SRPRA: variants seen among roughly 807,000 people sequenced by gnomAD.
SRPRA encodes the protein SRP receptor subunit alpha.
SRPRA carries 30 observed loss-of-function variants against 61.1 expected under a neutral mutation model. That is an observed-to-expected ratio of 0.49 (90% confidence interval 0.37 to 0.67). The LOEUF (loss-of-function observed/expected upper bound fraction) is 0.67, where lower values mean the gene tolerates loss of function less well. Ranked by LOEUF, SRPRA falls within the 30% of genes least tolerant of loss-of-function variation. The pLI, the probability that SRPRA is intolerant of heterozygous loss-of-function variation, is 0.00. For synonymous variants in SRPRA, 324 were observed against 299.7 expected, an observed-to-expected ratio of 1.08 and a Z score of -0.84; for missense variants, 759 against 828.4, an observed-to-expected ratio of 0.92 and a Z score of 1.03.
chr11:126,250,352 A>G, the SRPRA span, among the ~76,000 whole-genome samples: 1 of 152,078 alleles, frequency 6.6e-6, no homozygotes, highest in Non-Finnish European at 1.5e-5. This position sits in a 1 kb window ranked among gnomAD's most constrained non-coding sequence, Gnocchi z 5.1. Flanking sequence ...CGGTCTCCCA[A>G]AGTGCTGGGA....
chr11:126,243,287 CAAACA>C, the SRPRA span, among the ~76,000 whole-genome samples: 1 of 152,084 alleles, frequency 6.6e-6, no homozygotes, highest in Non-Finnish European at 1.5e-5. Context: ...ATAACAAAAC[CAAACA>C]AAAGACATCA....
chr11:126,262,976 T>C lies in SRPRA; in HGVS notation c.*940A>G, dbSNP rs770017747. 2.6e-5 allele frequency: 4 copies of C among 152,794 alleles called. No individual in the cohort carries two copies. The East Asian group carries it at 7.7e-4, about 29-fold the overall frequency. The allele number at this position is 152,794 out of a possible 1,614,324, so 9.5% of individuals were successfully genotyped here. On this transcript the variant is annotated 3_prime_UTR_variant, in exon 14 of 14. Transcript: ENST00000332118. ...TTTATTTTCTTATATAAATTACTTA[T>C]TTCTCTGGGCAGACAGCCTTCACCT...
chr11:126,257,828 T>C, the SRPRA span, among the ~76,000 whole-genome samples: 1 of 152,304 alleles, frequency 6.6e-6, no homozygotes, highest in South Asian at 2.1e-4. Context: ...TATCATACAC[T>C]TGATATTTTA....
In SRPRA at chr11:126,268,850, C is replaced by T; in HGVS notation, c.-46G>A. 6.7e-7 allele frequency: 1 copy of T among 1,490,612 alleles called. No individual in the cohort carries two copies. Among genetic ancestry groups the T allele is most frequent in the Non-Finnish European group, 9.3e-7 (1 of 1,071,286 alleles). The allele number at this position is 1,490,612 out of a possible 1,614,324, so 92.3% of individuals were successfully genotyped here. A position where few individuals can be genotyped will look rare whatever the true frequency, so the allele number is the denominator to read the frequency against. The stretch of plus-strand genomic sequence containing the variant: ...TGGGGCCGGCGCCGGGAATTCAGGC[C>T]GCGTTCGCCGCCGCTTCCTGCTGCG... On this transcript the variant is annotated 5_prime_UTR_variant, in exon 1 of 14. Transcript: ENST00000332118.
the SRPRA span, among the ~76,000 whole-genome samples, chr11:126,247,196 G>A: frequency 2.6e-5 from 4 of 152,120 alleles, no homozygotes; most frequent in Non-Finnish European, 2.9e-5. Context: ...GGAGACTGAG[G>A]CAGGAAGATT....
the SRPRA span, among the ~76,000 whole-genome samples, chr11:126,240,478 T>C: frequency 6.6e-6 from 1 of 152,150 alleles, no homozygotes; most frequent in Non-Finnish European, 1.5e-5. Context: ...AGAAGTCAGC[T>C]GAGCTATAGT....
chr11:126,254,508 A>AG, the SRPRA span: 4 of 1,567,490 alleles, frequency 2.6e-6, no homozygotes, highest in South Asian at 2.3e-5. Context: ...TAGATCTTAA[A>AG]GGGGAACATC....
At chr11:126,262,131 T>C (rs1202404100), downstream of SRPRA, 5 of 1,614,092 alleles carry the variant, frequency 3.1e-6, no homozygotes, top group South Asian at 4.4e-5. Flanking sequence ...CTGTAGTACA[T>C]GAGCGAGCTA....
At position 126,264,091 on chromosome 11, in the gene SRPRA, C is replaced by T. The variant is rs939278635; in HGVS notation, c.1789-47G>A. On this transcript the variant is annotated intron_variant, in intron 13 of 13. Transcript: ENST00000332118. This position sits in a 1 kb window ranked among gnomAD's most constrained non-coding sequence, Gnocchi z 5.0. ...CCCATCAACACAAGCCCACTTTTCACTCACCCTCTCAGGAACAGGAAGCGC... is the reference window on the plus strand; with the variant it reads ...CCCATCAACACAAGCCCACTTTTCATTCACCCTCTCAGGAACAGGAAGCGC... 6.2e-7 allele frequency: 1 copy of T among 1,613,574 alleles called. No individual in the cohort carries two copies. Among genetic ancestry groups the T allele is most frequent in the African/African-American group, 1.3e-5 (1 of 75,046 alleles).
At chr11:126,247,892 T>G in the SRPRA span, among the ~76,000 whole-genome samples, 62 of 145,610 alleles carry the variant, frequency 4.3e-4, no homozygotes, top group African/African-American at 1.5e-3. Flanking sequence ...TATATATATA[T>G]ATAGATATAC....
At chr11:126,241,123 A>G in the SRPRA span, 2 of 1,412,324 alleles carry the variant, frequency 1.4e-6, no homozygotes, top group Non-Finnish European at 1.9e-6. Flanking sequence ...TTGGCTGTCA[A>G]AACTAGCATG....
At chr11:126,256,607 T>C in the SRPRA span, 1 of 1,614,034 alleles carries the variant, frequency 6.2e-7, no homozygotes. The surrounding 1 kb of genome is among the most constrained non-coding windows in gnomAD (Gnocchi z 6.6). Context: ...TCATTTCTTT[T>C]CCTGGGCTGT....
At chr11:126,261,527 A>G, downstream of SRPRA, 2 of 1,527,004 alleles carry the variant, frequency 1.3e-6, no homozygotes, top group Non-Finnish European at 9.1e-7. Context: ...CTGTAGCAGA[A>G]AGTCTTTCTA....
At chr11:126,236,701 T>C in the SRPRA span, among the ~76,000 whole-genome samples, 1 of 152,084 alleles carries the variant, frequency 6.6e-6, no homozygotes, top group Non-Finnish European at 1.5e-5. Context: ...TTTAAAACTC[T>C]TGTTATTCAG....
At chr11:126,254,267 C>A in the SRPRA span, 1 of 1,603,388 alleles carries the variant, frequency 6.2e-7, no homozygotes, top group Non-Finnish European at 8.5e-7. Context: ...AGGTGCTCAG[C>A]CCTGCCAAGC....
the SRPRA span, among the ~76,000 whole-genome samples, chr11:126,257,746 A>G: frequency 6.6e-6 from 1 of 152,138 alleles, no homozygotes; most frequent in African/African-American, 2.4e-5. Context: ...TTATATTTAC[A>G]AACAGAAAAC....
At chr11:126,241,749 C>T in the SRPRA span, among the ~76,000 whole-genome samples, 2 of 152,044 alleles carry the variant, frequency 1.3e-5, no homozygotes, top group African/African-American at 4.8e-5. Context: ...AGGGTTTTGC[C>T]ATGTTGGTCA....
At position 126,266,257 on chromosome 11, in the gene SRPRA, C is replaced by T; in HGVS notation, c.862G>A (p.Gly288Arg). 6.2e-7 allele frequency: 1 copy of T among 1,614,124 alleles called. No homozygotes were observed. Among genetic ancestry groups the T allele is most frequent in the Non-Finnish European group, 8.5e-7 (1 of 1,180,018 alleles). ...CTGCAGTCCAGATCCTGAAGCTGCC[C>T]CCCAGACCCAGTCCCTCGAATCTGG... ...INLIRGTGSG[G>R]QLQDLDCSSS... is the part of the protein sequence containing the mutation. Residue 288 changes from glycine to arginine, a missense_variant, in exon 7 of 14, where the codon GGG (glycine) becomes AGG (arginine). Physicochemically the swap from Gly to Arg is moderately radical, Grantham distance 125. This residue lies in a region of SRPRA where 475 missense variants were observed against 462.5 expected (regional missense o/e 1.03). Transcript: ENST00000332118.
At position 126,267,900 on chromosome 11, in the gene SRPRA, T is replaced by G; in HGVS notation, c.201+103A>C. ...TTCCCCCATCTACCTTTCTAGTTTT[T>G]TCAGTTACGTCATCATATACACTGG... On this transcript the variant is annotated intron_variant, in intron 2 of 13. Coordinates refer to ENST00000332118, the MANE Select transcript of SRPRA (RefSeq NM_003139.4). This position sits in a 1 kb window ranked among gnomAD's most constrained non-coding sequence, Gnocchi z 4.2. 1 of 1,441,294 alleles carries G rather than the reference T, an allele frequency of 6.9e-7. No individual in the cohort carries two copies. Among genetic ancestry groups the G allele is most frequent in the East Asian group, 2.3e-5 (1 of 43,786 alleles). 89.3% of individuals were successfully genotyped at this position (1,441,294 alleles called of 1,614,324 possible).
Sources: allele counts gnomAD v4.1 joint callset (sites outside exome capture counted in the v4.1 genomes callset), GRCh38; gene constraint gnomAD v4.1.1; regional missense constraint gnomAD v4.1.1; non-coding constraint Gnocchi (gnomAD v3.1); transcripts MANE v1.5; gene names NCBI Gene and HGNC (gene_info 2026-07-23, HGNC 2026-07-21).